Variants in DGKB observed in about 807,000 individuals in gnomAD.
DGKB encodes 90 kDa diacylglycerol kinase.
In DGKB, 67 loss-of-function variants were observed where a neutral mutation model predicts 114.3. The observed-to-expected ratio is 0.59, with a 90% CI of 0.48 to 0.72. The LOEUF is 0.72. Among genes scored for constraint, DGKB ranks in the 30% least tolerant of loss-of-function variants. DGKB has a pLI of 0.00. For synonymous variants in DGKB, 398 were observed against 323.1 expected (o/e 1.23, Z -2.49); for missense variants, 907 against 975.2 (o/e 0.93, Z 0.93).
chr7:14,930,707 T>G lies in DGKB; in HGVS notation c.-188+43989A>C, dbSNP rs1418403866. Among the ~76,000 whole-genome samples the G allele has an allele frequency of 2.0e-5, 3 of 152,188 alleles. No individual in the cohort carries two copies. In the South Asian group the frequency reaches 6.2e-4, roughly 32 times the overall value. Reference sequence around the variant, plus strand: ...TTGTATGCCTTGTATTTCTTTCTCTTGCCTAATTGTTCTGCCTAGGACTTC... The same window carrying G: ...TTGTATGCCTTGTATTTCTTTCTCTGGCCTAATTGTTCTGCCTAGGACTTC... On this transcript the variant is annotated intron_variant, in intron 1 of 4. Transcript: ENST00000437998.
chr7:14,733,607 G>A (rs1831226135), intron 5 of DGKB, among the ~76,000 whole-genome samples: 1 of 152,074 alleles, frequency 6.6e-6, no homozygotes, highest in Admixed American at 6.5e-5. Context: ...AGGATCTCTT[G>A]AATCCAGAAG....
intron 6 of DGKB, among the ~76,000 whole-genome samples, chr7:14,714,307 G>A (rs1827844655): frequency 2.0e-5 from 3 of 152,074 alleles, no homozygotes; most frequent in Admixed American, 2.0e-4. Flanking sequence ...GGGTTTGTCT[G>A]ATGATAGAAA....
chr7:14,290,958 C>G (rs1584962486), intron 23 of DGKB, among the ~76,000 whole-genome samples: 1 of 150,958 alleles, frequency 6.6e-6, no homozygotes, highest in South Asian at 2.1e-4. Flanking sequence ...CCTGGCCAAC[C>G]TGGTGAAACC....
In DGKB at chr7:14,841,404, C is replaced by T. The variant is rs192075027; in HGVS notation, c.-141G>A. 4.4e-5 allele frequency: 26 copies of T among 586,108 alleles called. No homozygotes were observed. Among genetic ancestry groups the T allele is most frequent in the African/African-American group, 4.4e-4 (23 of 52,718 alleles). The allele number at this position is 586,108 out of a possible 1,614,324, so 36.3% of individuals were successfully genotyped here. ...GCTTTCAAAATATGCAATCTGTCCA[C>T]ATGAAACTGCTTTGGATGCTTGTAA... On this transcript the variant is annotated 5_prime_UTR_variant, in exon 2 of 26. In the 5' UTR this introduces an upstream ATG that the reference lacks. Coordinates refer to ENST00000402815, the MANE Select transcript of DGKB (RefSeq NM_001350709.2).
chr7:14,759,967 A>C (rs115184847), intron 2 of DGKB, among the ~76,000 whole-genome samples: 8 of 152,166 alleles, frequency 5.3e-5, no homozygotes, highest in Non-Finnish European at 1.2e-4. Flanking sequence ...GTGGATGTGA[A>C]ATGATTCGAC....
At chr7:14,157,058 C>A (rs1783127057) in intron 25 of DGKB, among the ~76,000 whole-genome samples, 1 of 152,076 alleles carries the variant, frequency 6.6e-6, no homozygotes, top group African/African-American at 2.4e-5. Flanking sequence ...TTTCTCCCTG[C>A]TTCATCTCTT....
intron 21 of DGKB, among the ~76,000 whole-genome samples, chr7:14,411,047 T>C (rs190301310): frequency 3.7e-4 from 56 of 152,282 alleles, no homozygotes; most frequent in African/African-American, 1.2e-3. Context: ...CCTGAGATGC[T>C]GCGCAGTGGC....
intron 14 of DGKB, 30 bp from the exon 15 acceptor site, chr7:14,621,524 A>C: frequency 1.6e-6 from 2 of 1,273,034 alleles, no homozygotes; most frequent in Non-Finnish European, 2.2e-6. Flanking sequence ...GATAAAAATA[A>C]AAATTAGGAA....
intron 1 of DGKB, among the ~76,000 whole-genome samples, chr7:14,880,723 A>C (rs1021992474): frequency 6.6e-6 from 1 of 152,212 alleles, no homozygotes; most frequent in Non-Finnish European, 1.5e-5. Context: ...CAAAATGCTT[A>C]AGTATCAAAA....
intron 21 of DGKB, among the ~76,000 whole-genome samples, chr7:14,447,258 T>C (rs1301407480): frequency 6.6e-6 from 1 of 152,090 alleles, no homozygotes; most frequent in African/African-American, 2.4e-5. Context: ...AGCCCTCTTT[T>C]GGGGCCCCTC....
chr7:14,673,157 CAG>C (rs944670390), intron 12 of DGKB, 130 bp from the exon 13 acceptor site: 22 of 579,086 alleles, frequency 3.8e-5, no homozygotes, highest in South Asian at 3.2e-4. Flanking sequence ...AACAAATAAA[CAG>C]AGTCATAAAG....
chr7:14,555,840 T>C (rs187277825), intron 20 of DGKB, among the ~76,000 whole-genome samples: 32 of 152,256 alleles, frequency 2.1e-4, no homozygotes, highest in African/African-American at 7.7e-4. Context: ...ACAAATGCCA[T>C]GGCAACATCA....
intron 6 of DGKB, among the ~76,000 whole-genome samples, chr7:14,717,169 ATTC>A (rs1828335222): frequency 6.6e-6 from 1 of 152,202 alleles, no homozygotes; most frequent in South Asian, 2.1e-4. Flanking sequence ...ACTCAAAAGC[ATTC>A]TTCTTAGGAA....
At chr7:14,288,520 A>G (rs1214270841) in intron 23 of DGKB, among the ~76,000 whole-genome samples, 3 of 152,054 alleles carry the variant, frequency 2.0e-5, no homozygotes. Flanking sequence ...CCAACTTAAG[A>G]GTCCCAGGAA....
intron 2 of DGKB, among the ~76,000 whole-genome samples, chr7:14,811,179 A>G (rs1207581781): frequency 6.6e-6 from 1 of 152,174 alleles, no homozygotes; most frequent in East Asian, 1.9e-4. Flanking sequence ...ATTTCTCAAT[A>G]TTTATGAGCA....
intron 21 of DGKB, among the ~76,000 whole-genome samples, chr7:14,377,235 T>C (rs1818637414): frequency 6.6e-6 from 1 of 152,216 alleles, no homozygotes; most frequent in East Asian, 1.9e-4. Context: ...AAAATAGGGC[T>C]GAGCAGCCAG....
chr7:14,788,168 A>T (rs897898495), intron 2 of DGKB, among the ~76,000 whole-genome samples: 8 of 152,196 alleles, frequency 5.3e-5, no homozygotes, highest in Non-Finnish European at 1.0e-4. Context: ...AAATAGCTCT[A>T]ATGCCCATGG....
chr7:14,490,638 CTACTGGCTTTGAA>C (rs1490000871), intron 20 of DGKB, among the ~76,000 whole-genome samples: 2 of 152,112 alleles, frequency 1.3e-5, no homozygotes, highest in African/African-American at 4.8e-5. Context: ...TGAAGCTGTC[CTACTGGCTTTGAA>C]CTAACTTCTT....
chr7:14,705,116 G>A (rs548147562), intron 6 of DGKB, among the ~76,000 whole-genome samples: 23 of 151,040 alleles, frequency 1.5e-4, no homozygotes, highest in Admixed American at 4.0e-4. Context: ...ATACAGAGAA[G>A]TGCTTAAAGG....
Sources: gnomAD v4.1 joint callset for allele counts (sites outside exome capture counted in the v4.1 genomes callset) on GRCh38, gnomAD v4.1.1 for gene constraint, MANE v1.5 for transcripts, NCBI Gene and HGNC (gene_info 2026-07-23, HGNC 2026-07-21) for gene names.